Variants in PLXDC2 observed in about 807,000 individuals in gnomAD.
PLXDC2 encodes the protein plexin domain-containing protein 2.
In PLXDC2, 40 loss-of-function variants were observed where a neutral mutation model predicts 68.9. The ratio of observed to expected loss-of-function variants is 0.58; its 90% CI spans 0.45 to 0.76. PLXDC2 has a LOEUF of 0.76. Ranked by LOEUF, PLXDC2 falls within the 30% of genes least tolerant of loss-of-function variation. PLXDC2 has a pLI of 0.00. For synonymous variants in PLXDC2, 243 were observed against 234.2 expected (o/e 1.04, Z -0.34); for missense variants, 644 against 661.9 (o/e 0.97, Z 0.30).
intron 4 of PLXDC2, among the ~76,000 whole-genome samples, chr10:20,140,629 T>C (rs2131787769): frequency 6.6e-6 from 1 of 152,170 alleles, no homozygotes; most frequent in Non-Finnish European, 1.5e-5. Flanking sequence ...CACTCAATTA[T>C]TAACCACTAC....
chr10:19,889,997 CAG>C (rs1837921826), intron 1 of PLXDC2, among the ~76,000 whole-genome samples: 1 of 152,182 alleles, frequency 6.6e-6, no homozygotes, highest in South Asian at 2.1e-4. Flanking sequence ...GGGATCCTAA[CAG>C]AGGCAGTCTC....
intron 1 of PLXDC2, among the ~76,000 whole-genome samples, chr10:19,912,228 A>G (rs915349196): frequency 9.8e-5 from 15 of 152,306 alleles, no homozygotes; most frequent in African/African-American, 3.1e-4. Flanking sequence ...CTGTTTTTCT[A>G]TAAGCCAGTT....
At chr10:20,226,418 T>A (rs1398804772) in intron 12 of PLXDC2, among the ~76,000 whole-genome samples, 3 of 152,196 alleles carry the variant, frequency 2.0e-5, no homozygotes, top group African/African-American at 7.2e-5. Context: ...TGATTTAAGC[T>A]GTTGACAAAT....
At chr10:20,048,008 A>C (rs1291944680) in intron 3 of PLXDC2, among the ~76,000 whole-genome samples, 37 of 152,102 alleles carry the variant, frequency 2.4e-4, no homozygotes, top group Admixed American at 2.4e-3. Flanking sequence ...AACAGTGGTG[A>C]TAGTGTCATT....
intron 1 of PLXDC2, among the ~76,000 whole-genome samples, chr10:19,976,273 G>T (rs752361066): frequency 5.9e-5 from 9 of 152,000 alleles, no homozygotes; most frequent in Non-Finnish European, 1.2e-4. Flanking sequence ...GAGTACAGTG[G>T]TGCGATCTTG....
At chr10:19,845,489 G>T (rs1836991518) in intron 1 of PLXDC2, among the ~76,000 whole-genome samples, 1 of 152,172 alleles carries the variant, frequency 6.6e-6, no homozygotes, top group Non-Finnish European at 1.5e-5. Flanking sequence ...AGTAAGTCAT[G>T]CCATGTCAGG....
chr10:20,245,396 G>C lies in PLXDC2; in HGVS notation c.1364G>C (p.Gly455Ala), dbSNP rs774243560. The change falls in exon 13 of 14, where the codon GGC becomes GCC. Residue 455 changes from glycine to alanine, a missense_variant. Physicochemically the swap from Gly to Ala is moderately conservative, Grantham distance 60. Transcript: ENST00000377252. ...AAGAAAGGGGGAACCCTCCACGCTG[G>C]CCTCATCATTGGAATCCTCATCCTG... Reference protein sequence around the residue: ...AEKKGGTLHAGLIIGILILVL... With the variant: ...AEKKGGTLHAALIIGILILVL... 3 of 1,613,994 alleles carry C rather than the reference G, an allele frequency of 1.9e-6. No individual in the cohort carries two copies. In the Admixed American group the frequency reaches 5.0e-5, roughly 27 times the overall value.
chr10:19,851,272 A>G (rs989074841), intron 1 of PLXDC2, among the ~76,000 whole-genome samples: 1 of 152,166 alleles, frequency 6.6e-6, no homozygotes, highest in African/African-American at 2.4e-5. Flanking sequence ...ACCTCTCAAG[A>G]CATATTTGTT....
At chr10:20,204,354 T>G (rs1211544500) in intron 9 of PLXDC2, among the ~76,000 whole-genome samples, 1 of 152,196 alleles carries the variant, frequency 6.6e-6, no homozygotes, top group Non-Finnish European at 1.5e-5. Flanking sequence ...TTTTATGTCA[T>G]AATAAAACAT....
At chr10:19,970,008 T>C (rs1012236588) in intron 1 of PLXDC2, among the ~76,000 whole-genome samples, 1 of 152,194 alleles carries the variant, frequency 6.6e-6, no homozygotes, top group Non-Finnish European at 1.5e-5. Flanking sequence ...ATTTTTAGTC[T>C]AAATGAAGAA....
rs531235488 is a variant in PLXDC2, at chr10:19,859,482, A to T, written c.112+42291A>T. 9.4e-4 allele frequency among the ~76,000 whole-genome samples: 143 copies of T among 152,192 alleles called. 1 individual carries two copies. Among genetic ancestry groups the T allele is most frequent in the African/African-American group, 3.4e-3 (141 of 41,540 alleles). ...TATTACATATTGAAATTGCATATTG[A>T]TATGTAATATGCAATTAATATGTAA... On this transcript the variant is annotated intron_variant, in intron 1 of 13. Coordinates refer to ENST00000377252, the MANE Select transcript of PLXDC2 (RefSeq NM_032812.9).
intron 12 of PLXDC2, among the ~76,000 whole-genome samples, chr10:20,227,204 A>C (rs561461929): frequency 2.0e-5 from 3 of 152,206 alleles, no homozygotes; most frequent in Non-Finnish European, 4.4e-5. Flanking sequence ...ATGCAGATGC[A>C]AAGATCTACA....
chr10:20,161,451 C>CTT (rs367647028), intron 6 of PLXDC2, among the ~76,000 whole-genome samples: 7,358 of 150,714 alleles, frequency 0.049, 209 homozygotes, highest in South Asian at 0.078. Context: ...GTCTCTCTCT[C>CTT]TCTTTTTTTT....
At chr10:19,945,536 T>C (rs1262029835) in intron 1 of PLXDC2, among the ~76,000 whole-genome samples, 1 of 152,214 alleles carries the variant, frequency 6.6e-6, no homozygotes. Flanking sequence ...TGGTTTTTTA[T>C]TCTTCCTTGT....
intron 1 of PLXDC2, among the ~76,000 whole-genome samples, chr10:19,942,968 A>C (rs1430019752): frequency 6.6e-6 from 1 of 152,224 alleles, no homozygotes; most frequent in Non-Finnish European, 1.5e-5. Flanking sequence ...ATGAATAATT[A>C]TGCCTCCAGT....
intron 1 of PLXDC2, among the ~76,000 whole-genome samples, chr10:19,823,726 C>T (rs1421222556): frequency 1.3e-5 from 2 of 152,074 alleles, no homozygotes; most frequent in African/African-American, 4.8e-5. Context: ...GTGGCTCACA[C>T]CTGTAATCCC....
At chr10:20,104,834 C>T (rs1367471085) in intron 4 of PLXDC2, among the ~76,000 whole-genome samples, 17 of 151,988 alleles carry the variant, frequency 1.1e-4, no homozygotes, top group Non-Finnish European at 2.9e-5. Flanking sequence ...AAGTGGATCA[C>T]GAAGTCAGGA....
intron 7 of PLXDC2, among the ~76,000 whole-genome samples, chr10:20,175,981 A>G (rs1486472589): frequency 2.0e-5 from 3 of 152,130 alleles, no homozygotes; most frequent in Non-Finnish European, 2.9e-5. Context: ...AGGCGAGCAC[A>G]TTAGTATAAG....
chr10:19,856,619 G>A (rs970297661), intron 1 of PLXDC2, among the ~76,000 whole-genome samples: 3 of 152,114 alleles, frequency 2.0e-5, no homozygotes, highest in Non-Finnish European at 1.5e-5. Context: ...TGCTCATTTC[G>A]TCTTTTTACA....
Sources: gnomAD v4.1 joint callset for allele counts (sites outside exome capture counted in the v4.1 genomes callset) on GRCh38, gnomAD v4.1.1 for gene constraint, MANE v1.5 for transcripts, NCBI Gene and HGNC (gene_info 2026-07-23, HGNC 2026-07-21) for gene names.